TBC1D22A: variants seen among roughly 807,000 people sequenced by gnomAD.
TBC1D22A encodes TBC1 domain family member 22A.
Under a neutral mutation model 60.2 loss-of-function variants are expected in TBC1D22A, and 38 were observed. That is an observed-to-expected ratio of 0.63 (90% CI 0.49 to 0.83). The LOEUF is 0.83. Among genes scored for constraint, TBC1D22A ranks in the 40% least tolerant of loss-of-function variants. The pLI, the probability that TBC1D22A is intolerant of heterozygous loss-of-function variation, is 0.00. For synonymous variants in TBC1D22A, 302 were observed against 281.7 expected (o/e 1.07, Z -0.72); for missense variants, 628 against 701.0 (o/e 0.90, Z 1.18).
At chr22:47,050,805 G>GT (rs2063184781) in intron 11 of TBC1D22A, among the ~76,000 whole-genome samples, 1 of 152,196 alleles carries the variant, frequency 6.6e-6, no homozygotes, top group Non-Finnish European at 1.5e-5. Context: ...TGGGGGGATG[G>GT]TGAGGACAGC....
chr22:46,774,811 G>A (rs2083632900), intron 1 of TBC1D22A, among the ~76,000 whole-genome samples: 1 of 152,190 alleles, frequency 6.6e-6, no homozygotes, highest in South Asian at 2.1e-4. Flanking sequence ...TCTTGCTCAT[G>A]CTTGGGTTCA....
At chr22:47,104,879 T>G (rs2065570494) in intron 11 of TBC1D22A, among the ~76,000 whole-genome samples, 1 of 152,134 alleles carries the variant, frequency 6.6e-6, no homozygotes, top group Admixed American at 6.5e-5. Flanking sequence ...ATGTATAAAT[T>G]CACCTATCGC....
chr22:46,843,657 T>C (rs548270726), intron 4 of TBC1D22A, among the ~76,000 whole-genome samples: 1 of 152,074 alleles, frequency 6.6e-6, no homozygotes, highest in African/African-American at 2.4e-5. Flanking sequence ...GGCCATATTG[T>C]TTATCATCTG....
chr22:46,904,145 A>ATCTATCTATCTGCCTG (rs1555937547), intron 7 of TBC1D22A, among the ~76,000 whole-genome samples: 2 of 75,484 alleles, frequency 2.6e-5, no homozygotes, highest in African/African-American at 9.7e-5. Flanking sequence ...CTATCTATCT[A>ATCTATCTATCTGCCTG]CCTACCTACC....
chr22:46,830,635 C>T (rs2086268685), intron 4 of TBC1D22A, among the ~76,000 whole-genome samples: 1 of 152,168 alleles, frequency 6.6e-6, no homozygotes, highest in Non-Finnish European at 1.5e-5. Flanking sequence ...CAAGGCCAAG[C>T]CCAACATCAA....
chr22:46,991,030 T>C (rs781137003), intron 9 of TBC1D22A, among the ~76,000 whole-genome samples: 6 of 152,270 alleles, frequency 3.9e-5, no homozygotes, highest in Non-Finnish European at 8.8e-5. Flanking sequence ...TGACACATCA[T>C]GGAAGGTGCG....
chr22:46,768,939 C>G (rs772005984), intron 1 of TBC1D22A, among the ~76,000 whole-genome samples: 6 of 151,698 alleles, frequency 4.0e-5, no homozygotes, highest in Non-Finnish European at 8.8e-5. Context: ...ACTAAAAATA[C>G]AAAAAATAGC....
intron 8 of TBC1D22A, among the ~76,000 whole-genome samples, chr22:46,920,833 C>T (rs901271155): frequency 2.0e-5 from 3 of 151,094 alleles, no homozygotes; most frequent in Non-Finnish European, 4.4e-5. Flanking sequence ...TGCAGTCGTG[C>T]GATATCGGCT....
At chr22:46,960,468 G>A (rs898001755) in intron 8 of TBC1D22A, among the ~76,000 whole-genome samples, 9 of 152,114 alleles carry the variant, frequency 5.9e-5, no homozygotes, top group African/African-American at 2.2e-4. Flanking sequence ...CGCCATGTTG[G>A]CCAGGCTGGT....
intron 8 of TBC1D22A, among the ~76,000 whole-genome samples, chr22:46,926,139 A>G (rs975826417): frequency 1.3e-5 from 2 of 152,250 alleles, no homozygotes; most frequent in South Asian, 4.1e-4. Flanking sequence ...AACACAATAT[A>G]TCAGCACTTA....
intron 8 of TBC1D22A, among the ~76,000 whole-genome samples, chr22:46,965,506 G>A (rs2073758538): frequency 6.6e-6 from 1 of 152,224 alleles, no homozygotes; most frequent in African/African-American, 2.4e-5. Context: ...AGATTGTTTT[G>A]CAGAATGCAT....
intron 10 of TBC1D22A, among the ~76,000 whole-genome samples, chr22:47,010,286 A>G (rs2061715893): frequency 6.6e-6 from 1 of 152,198 alleles, no homozygotes; most frequent in African/African-American, 2.4e-5. Flanking sequence ...CGAGAAGCAG[A>G]GGATAAATCA....
At chr22:46,790,840 TAGG>T (rs1477053201) in intron 1 of TBC1D22A, among the ~76,000 whole-genome samples, 1 of 152,220 alleles carries the variant, frequency 6.6e-6, no homozygotes, top group African/African-American at 2.4e-5. Context: ...TTTCCATTTC[TAGG>T]AGTTTATCCC....
intron 4 of TBC1D22A, among the ~76,000 whole-genome samples, chr22:46,871,118 A>G (rs749415003): frequency 2.0e-5 from 3 of 152,246 alleles, no homozygotes; most frequent in Non-Finnish European, 2.9e-5. Flanking sequence ...GAGTTGTATT[A>G]GAGACAAAGA....
intron 8 of TBC1D22A, among the ~76,000 whole-genome samples, chr22:46,969,678 G>C (rs2073968960): frequency 6.6e-6 from 1 of 152,092 alleles, no homozygotes; most frequent in African/African-American, 2.4e-5. Flanking sequence ...GGTTCCCTTG[G>C]GGTTAGCCTG....
At chr22:46,979,462 T>C (rs557906467) in intron 9 of TBC1D22A, among the ~76,000 whole-genome samples, 19 of 152,206 alleles carry the variant, frequency 1.2e-4, no homozygotes, top group Non-Finnish European at 2.6e-4. Context: ...TTGAAGAAAG[T>C]GTTCGGTTCA....
At chr22:46,878,850 C>A (rs1017637282) in intron 5 of TBC1D22A, 127 bp downstream of exon 5, 1 of 729,058 alleles carries the variant, frequency 1.4e-6, no homozygotes, top group Non-Finnish European at 2.3e-6. Context: ...GTGATAAAGG[C>A]CTTTGCTATG....
At chr22:47,119,008 G>A (rs755020830) in intron 12 of TBC1D22A, among the ~76,000 whole-genome samples, 2 of 152,162 alleles carry the variant, frequency 1.3e-5, no homozygotes, top group African/African-American at 4.8e-5. Flanking sequence ...AATTAGCCAG[G>A]TGTGGTGGCG....
chr22:46,996,501 C>T (rs190539868), intron 9 of TBC1D22A, among the ~76,000 whole-genome samples: 56 of 152,366 alleles, frequency 3.7e-4, no homozygotes, highest in Middle Eastern at 6.8e-3. Flanking sequence ...CTTAGTTCCA[C>T]CTGCAACCCT....
Sources: allele counts gnomAD v4.1 joint callset (sites outside exome capture counted in the v4.1 genomes callset), GRCh38; gene constraint gnomAD v4.1.1; transcripts MANE v1.5; gene names NCBI Gene and HGNC (gene_info 2026-07-23, HGNC 2026-07-21).